ROBO1: variants seen among roughly 807,000 people sequenced by gnomAD.
The protein encoded by ROBO1 is roundabout homolog 1.
In ROBO1, 149 loss-of-function variants were observed where a neutral mutation model predicts 195.9. The observed-to-expected ratio is 0.76, with a 90% CI of 0.67 to 0.87. The LOEUF is 0.87. ROBO1 is among the 40% of genes least tolerant of loss of function. ROBO1 has a pLI of 0.00. For synonymous variants in ROBO1, 816 were observed against 733.2 expected (o/e 1.11, Z -1.82); for missense variants, 1,933 against 2,068.3 (o/e 0.93, Z 1.27).
intron 17 of ROBO1, among the ~76,000 whole-genome samples, chr3:78,657,711 A>G (rs558124566): frequency 1.7e-4 from 26 of 152,358 alleles, no homozygotes; most frequent in African/African-American, 6.3e-4. Context: ...TTGTAAAACA[A>G]AAATGAGTAG....
intron 4 of ROBO1, among the ~76,000 whole-genome samples, chr3:78,833,107 G>A (rs1576254960): frequency 6.6e-6 from 1 of 151,980 alleles, no homozygotes; most frequent in South Asian, 2.1e-4. Flanking sequence ...ATAGATCACG[G>A]TGGCCACTCT....
chr3:78,679,642 G>A (rs2080839086), intron 10 of ROBO1, among the ~76,000 whole-genome samples: 1 of 152,128 alleles, frequency 6.6e-6, no homozygotes, highest in African/African-American at 2.4e-5. Context: ...ACCTCTTCAA[G>A]GAGAACTACA....
chr3:79,741,258 T>A (rs921269922), intron 1 of ROBO1, among the ~76,000 whole-genome samples: 26 of 152,208 alleles, frequency 1.7e-4, no homozygotes, highest in Admixed American at 1.4e-3. Context: ...ATTCTGGTGT[T>A]AACGATTATA....
chr3:78,992,531 T>A (rs1274759358), intron 3 of ROBO1, among the ~76,000 whole-genome samples: 2 of 152,164 alleles, frequency 1.3e-5, no homozygotes, highest in Non-Finnish European at 2.9e-5. Context: ...CTTGATGACA[T>A]TTGTGAGCAG....
intron 2 of ROBO1, among the ~76,000 whole-genome samples, chr3:79,127,905 T>A (rs998748749): frequency 1.3e-5 from 2 of 152,174 alleles, no homozygotes; most frequent in African/African-American, 4.8e-5. Flanking sequence ...ATCTCTAAAG[T>A]CCATTCAATC....
intron 4 of ROBO1, chr3:78,759,475 A>T (rs1257966348): frequency 6.6e-6 from 1 of 152,228 alleles, no homozygotes; most frequent in Non-Finnish European, 1.5e-5. Flanking sequence ...AATTGAGTTA[A>T]AAAATAAAAT....
intron 4 of ROBO1, among the ~76,000 whole-genome samples, chr3:78,855,472 AT>A (rs1216168322): frequency 1.3e-5 from 2 of 152,224 alleles, no homozygotes; most frequent in Admixed American, 6.5e-5. Flanking sequence ...CAATACCTGG[AT>A]AGATTATTTG....
At chr3:79,164,241 A>G (rs1319596594) in intron 2 of ROBO1, among the ~76,000 whole-genome samples, 6 of 152,180 alleles carry the variant, frequency 3.9e-5, no homozygotes, top group Admixed American at 3.3e-4. Flanking sequence ...AAGAGTCCCT[A>G]CATAGTCTCT....
At position 79,054,739 on chromosome 3, in the gene ROBO1, C is replaced by T. The variant is rs141374729; in HGVS notation, c.172+70717G>A. Among the ~76,000 whole-genome samples, 416 of 152,222 alleles carry T rather than the reference C, an allele frequency of 2.7e-3. 1 individual carries two copies. Among genetic ancestry groups the T allele is most frequent in the Non-Finnish European group, 4.4e-3 (302 of 67,994 alleles). On this transcript the variant is annotated intron_variant, in intron 3 of 30. Transcript: ENST00000464233. Reference sequence around the variant, plus strand: ...TTGCCCACGTTGTTGCAAAGGGAAACATTGGGTAAGTACTTGACACTCTAA... The same window carrying T: ...TTGCCCACGTTGTTGCAAAGGGAAATATTGGGTAAGTACTTGACACTCTAA...
rs1704681613 is a variant in ROBO1, at chr3:79,761,213, T to C, written c.-51+6539A>G. Among the ~76,000 whole-genome samples the C allele has an allele frequency of 2.0e-5, 3 of 149,592 alleles. No individual in the cohort carries two copies. In the South Asian group the frequency reaches 6.3e-4, roughly 31 times the overall value. On this transcript the variant is annotated intron_variant, in intron 1 of 30. Coordinates refer to ENST00000464233, the MANE Select transcript of ROBO1 (RefSeq NM_002941.4). ...ATAGAACACTATATTGCAATGAATA[T>C]GAATAAAGTAACTGTACCCGAAGCA...
chr3:79,736,627 C>A (rs377005163), intron 1 of ROBO1, among the ~76,000 whole-genome samples: 37 of 152,220 alleles, frequency 2.4e-4, no homozygotes, highest in African/African-American at 7.5e-4. Context: ...GTTTTAAATG[C>A]CTCACAATTC....
At chr3:79,016,202 A>G (rs1285504288) in intron 3 of ROBO1, among the ~76,000 whole-genome samples, 1 of 152,186 alleles carries the variant, frequency 6.6e-6, no homozygotes, top group Non-Finnish European at 1.5e-5. Flanking sequence ...TTTATAACTG[A>G]ACACTGTCAT....
intron 2 of ROBO1, among the ~76,000 whole-genome samples, chr3:79,153,796 A>G (rs1244124143): frequency 6.7e-6 from 1 of 149,588 alleles, no homozygotes; most frequent in Non-Finnish European, 1.5e-5. Context: ...TATATTACTC[A>G]GATATACTGA....
At chr3:79,673,542 T>C (rs1375201498) in intron 1 of ROBO1, among the ~76,000 whole-genome samples, 1 of 151,976 alleles carries the variant, frequency 6.6e-6, no homozygotes, top group Non-Finnish European at 1.5e-5. Flanking sequence ...ACTATCTCTA[T>C]ATTAGAAAGC....
chr3:79,523,880 A>G (rs2107588447), intron 2 of ROBO1, among the ~76,000 whole-genome samples: 1 of 152,346 alleles, frequency 6.6e-6, no homozygotes, highest in African/African-American at 2.4e-5. Flanking sequence ...TTGTTTCAGA[A>G]TTATGTAGTA....
At chr3:79,425,942 C>T (rs1459977624) in intron 2 of ROBO1, among the ~76,000 whole-genome samples, 1 of 152,124 alleles carries the variant, frequency 6.6e-6, no homozygotes, top group Non-Finnish European at 1.5e-5. Context: ...GTGGCTTCAG[C>T]TGTTCTCAAA....
intron 4 of ROBO1, among the ~76,000 whole-genome samples, chr3:78,875,187 T>A (rs1192247582): frequency 1.3e-5 from 2 of 152,026 alleles, no homozygotes; most frequent in Admixed American, 1.3e-4. Context: ...ACAAATGATC[T>A]TGGCACTAAT....
At chr3:79,329,001 C>T (rs1038778705) in intron 2 of ROBO1, among the ~76,000 whole-genome samples, 4 of 152,234 alleles carry the variant, frequency 2.6e-5, no homozygotes, top group Non-Finnish European at 5.9e-5. Flanking sequence ...AAAAGACATC[C>T]GGTACAATTT....
chr3:79,711,867 A>G (rs2107232123), intron 1 of ROBO1, among the ~76,000 whole-genome samples: 1 of 125,646 alleles, frequency 8.0e-6, no homozygotes, highest in South Asian at 2.6e-4. Flanking sequence ...TATATCCGTT[A>G]TGGTAATCTG....
Sources: gnomAD v4.1 joint callset for allele counts (sites outside exome capture counted in the v4.1 genomes callset) on GRCh38, gnomAD v4.1.1 for gene constraint, MANE v1.5 for transcripts, NCBI Gene and HGNC (gene_info 2026-07-23, HGNC 2026-07-21) for gene names.